The following DUS2 variants were observed in gnomAD, a reference collection of about 807,000 sequenced individuals.
The protein encoded by DUS2 is tRNA-dihydrouridine(20) synthase [NAD(P)+]-like.
In DUS2, 52 loss-of-function variants were observed where a neutral mutation model predicts 71.3. The ratio of observed to expected loss-of-function variants is 0.73; its 90% CI spans 0.58 to 0.92. The LOEUF is 0.92. Among genes scored for constraint, DUS2 ranks in the 40% least tolerant of loss-of-function variants. The pLI, the probability that DUS2 is intolerant of heterozygous loss-of-function variation, is 0.00. For synonymous variants in DUS2, 204 were observed against 227.8 expected, an observed-to-expected ratio of 0.90 and a Z score of 0.94; for missense variants, 558 against 622.6, an observed-to-expected ratio of 0.90 and a Z score of 1.10.
rs11555012 is a variant in DUS2, at chr16:68,038,101, A to G, written c.78A>G (p.Pro26=). 0.042 allele frequency: 67,006 copies of G among 1,613,722 alleles called. 1,606 individuals carry two copies. The highest frequency in any genetic ancestry group is 0.1 in the Middle Eastern group (632 of 6,062). The change falls in exon 3 of 17, where the codon CCA becomes CCG. Residue 26 remains proline (P), a synonymous_variant. Coordinates refer to ENST00000565263, the MANE Select transcript of DUS2 (RefSeq NM_017803.5). ...LAPMVRVGTL[P]MRLLALDYGA... Reference sequence around the variant, plus strand: ...CAATGGTTCGGGTAGGGACTCTTCCAATGAGGCTGCTGGCCCTGGATTATG... The same window carrying G: ...CAATGGTTCGGGTAGGGACTCTTCCGATGAGGCTGCTGGCCCTGGATTATG...
At chr16:68,040,317 A>T (rs1239864186) in intron 3 of DUS2, among the ~76,000 whole-genome samples, 4 of 152,052 alleles carry the variant, frequency 2.6e-5, no homozygotes, top group African/African-American at 9.7e-5. Flanking sequence ...CCTTGACCTC[A>T]GGTAATCCAC....
intron 12 of DUS2, among the ~76,000 whole-genome samples, chr16:68,072,379 G>C (rs959623111): frequency 6.6e-6 from 1 of 152,200 alleles, no homozygotes; most frequent in African/African-American, 2.4e-5. Context: ...CAGCTTTTTG[G>C]CCAGCTGGCA....
chr16:68,076,914 T>TC (rs1567484271), intron 15 of DUS2, among the ~76,000 whole-genome samples, 195 bp downstream of exon 15: 2 of 118,680 alleles, frequency 1.7e-5, no homozygotes, highest in African/African-American at 6.0e-5. Flanking sequence ...GACATCTCTC[T>TC]TTTTTTTTTT....
At chr16:68,074,940 G>A (rs2034136952) in intron 13 of DUS2, among the ~76,000 whole-genome samples, 2 of 152,196 alleles carry the variant, frequency 1.3e-5, no homozygotes, top group Non-Finnish European at 2.9e-5. Flanking sequence ...ATGTATAACT[G>A]CCTGTGGCTG....
rs535132893 is a variant in DUS2, at chr16:68,047,141, C to T, written c.127-2364C>T. ...TGCGGTCTTGGCTCACTGCAACCTC[C>T]GCCTCCTGGGTTCAAGCGATTCTCC... On this transcript the variant is annotated intron_variant, in intron 3 of 16. Transcript: ENST00000565263. Among the ~76,000 whole-genome samples, 7 of 150,252 alleles carry T rather than the reference C, an allele frequency of 4.7e-5. No individual in the cohort carries two copies. The East Asian group carries it at 7.8e-4, about 17-fold the overall frequency.
chr16:68,056,377 G>C lies in DUS2; in HGVS notation c.322G>C (p.Ala108Pro). Residue 108 changes from alanine to proline, a missense_variant, in exon 7 of 17, where the codon GCT becomes CCT. Physicochemically the swap from Ala to Pro is conservative, Grantham distance 27. Coordinates refer to ENST00000565263, the MANE Select transcript of DUS2 (RefSeq NM_017803.5). ...AVARLVENDV[A>P]GIDVNMGCPK... ...ATCCTTTTCCAGAGAAAATGATGTGGCTGGTATTGATGTCAACATGGGCTG... is the reference window on the plus strand; with the variant it reads ...ATCCTTTTCCAGAGAAAATGATGTGCCTGGTATTGATGTCAACATGGGCTG... The C allele has an allele frequency of 6.2e-7, 1 of 1,613,470 alleles. No homozygotes were observed. Among genetic ancestry groups the C allele is most frequent in the Non-Finnish European group, 8.5e-7 (1 of 1,179,704 alleles).
At chr16:68,027,625 A>G (rs1460585932) in intron 2 of DUS2, among the ~76,000 whole-genome samples, 1 of 152,244 alleles carries the variant, frequency 6.6e-6, no homozygotes, top group Admixed American at 6.5e-5. Flanking sequence ...CTGGTGATGA[A>G]CAAGCCACAG....
At chr16:68,074,249 A>G in intron 13 of DUS2, 94 bp downstream of exon 13, 1 of 1,496,630 alleles carries the variant, frequency 6.7e-7, no homozygotes, top group Non-Finnish European at 9.2e-7. Flanking sequence ...GACCAGGGAC[A>G]CAGCTTCTGG....
intron 2 of DUS2, among the ~76,000 whole-genome samples, chr16:68,035,836 T>C (rs1276986546): frequency 7.0e-6 from 1 of 142,878 alleles, no homozygotes; most frequent in Non-Finnish European, 1.5e-5. Context: ...TGCCACAGCT[T>C]CCCGAGTAGC....
intron 3 of DUS2, among the ~76,000 whole-genome samples, chr16:68,038,944 A>G (rs1204909464): frequency 2.0e-5 from 3 of 151,612 alleles, no homozygotes; most frequent in Admixed American, 6.6e-5. Flanking sequence ...CACACCTGTA[A>G]TCCCAGCACT....
At position 68,053,662 on chromosome 16, in the gene DUS2, G is replaced by C. The variant is rs767686563; in HGVS notation, c.264+7G>C. 1 of 1,614,130 alleles carries C rather than the reference G, an allele frequency of 6.2e-7. No homozygotes were observed. Among genetic ancestry groups the C allele is most frequent in the East Asian group, 2.2e-5 (1 of 44,884 alleles). On this transcript the variant is annotated splice_region_variant and intron_variant, in intron 5 of 16. Transcript: ENST00000565263. ...CAGGGTGGTCTTCCAGATGGTGAGA[G>C]ACTCCATTGCTGCATGCCCTCCTGA... is the stretch of plus-strand genomic sequence containing the variant.
At chr16:68,060,667 A>C (rs1244397228) in intron 7 of DUS2, among the ~76,000 whole-genome samples, 1 of 152,102 alleles carries the variant, frequency 6.6e-6, no homozygotes, top group Non-Finnish European at 1.5e-5. Context: ...AACATGGTGA[A>C]ACCCTGTCTC....
At chr16:68,057,134 A>G (rs1240965009) in intron 7 of DUS2, among the ~76,000 whole-genome samples, 9 of 140,758 alleles carry the variant, frequency 6.4e-5, no homozygotes, top group Admixed American at 7.6e-5. Context: ...ATAAATATAT[A>G]ATAAATATAT....
intron 3 of DUS2, among the ~76,000 whole-genome samples, chr16:68,045,064 A>G (rs2033681875): frequency 1.3e-5 from 2 of 152,220 alleles, no homozygotes; most frequent in Non-Finnish European, 2.9e-5. Flanking sequence ...AAGTGCTGGA[A>G]TTACAGGCGT....
chr16:68,065,141 C>G (rs1252104478), intron 8 of DUS2, among the ~76,000 whole-genome samples: 1 of 152,178 alleles, frequency 6.6e-6, no homozygotes, highest in East Asian at 1.9e-4. Context: ...TGCGTGACTT[C>G]TTGATCTTTC....
intron 2 of DUS2, 60 bp from the exon 3 acceptor site, chr16:68,037,946 A>G (rs893768571): frequency 1.1e-5 from 17 of 1,549,550 alleles, no homozygotes; most frequent in South Asian, 2.3e-5. Flanking sequence ...CCTGCTCTTG[A>G]TAACAGGAGA....
chr16:68,063,329 TGA>T (rs2033965401), intron 8 of DUS2, among the ~76,000 whole-genome samples: 1 of 152,100 alleles, frequency 6.6e-6, no homozygotes, highest in South Asian at 2.1e-4. Context: ...GTGACCTGGG[TGA>T]GAGCTTTGCG....
At chr16:68,026,006 G>A (rs2033343535) in intron 2 of DUS2, among the ~76,000 whole-genome samples, 1 of 152,072 alleles carries the variant, frequency 6.6e-6, no homozygotes, top group African/African-American at 2.4e-5. Flanking sequence ...TTGGGTTAAG[G>A]CCTAGACAAG....
chr16:68,049,371 G>C, intron 3 of DUS2, 134 bp from the exon 4 acceptor site: 1 of 818,196 alleles, frequency 1.2e-6, no homozygotes, highest in Non-Finnish European at 2.1e-6. Flanking sequence ...AGCACTACAT[G>C]TCCCAAAAGC....
Sources: gnomAD v4.1 joint callset for allele counts (sites outside exome capture counted in the v4.1 genomes callset) on GRCh38, gnomAD v4.1.1 for gene constraint, MANE v1.5 for transcripts, NCBI Gene and HGNC (gene_info 2026-07-23, HGNC 2026-07-21) for gene names.